Variants in SCFD2 observed in about 807,000 individuals in gnomAD.
The protein encoded by SCFD2 is sec1 family domain containing 2.
A neutral mutation model predicts 58.9 loss-of-function variants in SCFD2; 54 were observed. The observed-to-expected ratio is 0.92, with a 90% CI of 0.74 to 1.15. The LOEUF (loss-of-function observed/expected upper bound fraction) is 1.15, where lower values mean the gene tolerates loss of function less well. SCFD2 is among the 50% of genes most tolerant of loss of function. SCFD2 has a pLI of 0.00. For synonymous variants in SCFD2, 321 were observed against 335.9 expected (o/e 0.96, Z 0.49); for missense variants, 805 against 836.6 (o/e 0.96, Z 0.47).
In SCFD2 at chr4:52,930,664, A is replaced by C. The variant is rs1719971118; in HGVS notation, c.1562-9794T>G. 2.0e-5 allele frequency among the ~76,000 whole-genome samples: 3 copies of C among 152,304 alleles called. No homozygotes were observed. In the South Asian group the frequency reaches 6.2e-4, roughly 32 times the overall value. On this transcript the variant is annotated intron_variant, in intron 5 of 8. Transcript: ENST00000401642. Reference sequence around the variant, plus strand: ...CTGACTGCCGTAACTGTAAACTAACAGTTTATCTTAAGGTTTTATGTGTTA... The same window carrying C: ...CTGACTGCCGTAACTGTAAACTAACCGTTTATCTTAAGGTTTTATGTGTTA...
chr4:52,927,518 A>G (rs1172970046), intron 5 of SCFD2, among the ~76,000 whole-genome samples: 2 of 152,220 alleles, frequency 1.3e-5, no homozygotes, highest in Admixed American at 6.5e-5. Context: ...CTAATTCAAA[A>G]GCATTTTTAT....
intron 5 of SCFD2, among the ~76,000 whole-genome samples, chr4:52,964,981 A>G (rs1720929633): frequency 6.6e-6 from 1 of 150,904 alleles, no homozygotes; most frequent in South Asian, 2.1e-4. Flanking sequence ...GGCAAAATGT[A>G]TGGTGGTGAC....
intron 3 of SCFD2, among the ~76,000 whole-genome samples, chr4:53,298,300 C>T (rs372671089): frequency 6.6e-6 from 1 of 152,198 alleles, no homozygotes; most frequent in African/African-American, 2.4e-5. Context: ...GAGATTATAT[C>T]CGGCACCTGG....
intron 8 of SCFD2, among the ~76,000 whole-genome samples, chr4:52,885,362 G>A (rs368518998): frequency 6.6e-6 from 1 of 152,128 alleles, no homozygotes; most frequent in East Asian, 1.9e-4. Context: ...AGCCCCAGAA[G>A]CCCAGAGCTA....
In SCFD2 at chr4:53,171,768, A is replaced by G. The variant is rs1727184537; in HGVS notation, c.1312-26186T>C. ...GTATCAGTTTCTTCTAGGTTATCCC[A>G]TTTGTTGCTGTATAATTGTTCATGG... is the stretch of plus-strand genomic sequence containing the variant. On this transcript the variant is annotated intron_variant, in intron 4 of 8. Transcript: ENST00000401642. Among the ~76,000 whole-genome samples the G allele has an allele frequency of 2.0e-5, 3 of 151,790 alleles. No individual in the cohort carries two copies. In the East Asian group the frequency reaches 5.8e-4, roughly 29 times the overall value.
chr4:53,322,567 A>G (rs1238521469), intron 2 of SCFD2, among the ~76,000 whole-genome samples: 1 of 152,248 alleles, frequency 6.6e-6, no homozygotes, highest in Non-Finnish European at 1.5e-5. Flanking sequence ...GATTAACACT[A>G]TAATCAACAC....
At chr4:52,923,893 A>C (rs573466217) in intron 5 of SCFD2, among the ~76,000 whole-genome samples, 1 of 152,330 alleles carries the variant, frequency 6.6e-6, no homozygotes, top group East Asian at 1.9e-4. Context: ...TTCTCACTCA[A>C]CATGTGGCTT....
chr4:53,365,054 C>A lies in SCFD2; in HGVS notation c.838+50G>T. 1 of 1,560,932 alleles carries A rather than the reference C, an allele frequency of 6.4e-7. No homozygotes were observed. The highest frequency in any genetic ancestry group is 8.6e-7 in the Non-Finnish European group (1 of 1,156,276). ...AAATATATGCTGAATCAATGAAAGT[C>A]CCAGCAATGTGGGGAATGGTAATGA... On this transcript the variant is annotated intron_variant, in intron 1 of 8. Coordinates refer to ENST00000401642, the MANE Select transcript of SCFD2 (RefSeq NM_152540.4). The surrounding 1 kb of genome is among the most constrained non-coding windows in gnomAD (Gnocchi z 4.3).
chr4:52,932,302 C>T (rs1720016355), intron 5 of SCFD2, among the ~76,000 whole-genome samples: 1 of 152,144 alleles, frequency 6.6e-6, no homozygotes, highest in African/African-American at 2.4e-5. Context: ...AACTTGTCTG[C>T]TAATTACACA....
At chr4:53,075,748 A>G (rs1382349252) in intron 5 of SCFD2, among the ~76,000 whole-genome samples, 2 of 152,190 alleles carry the variant, frequency 1.3e-5, no homozygotes, top group Non-Finnish European at 2.9e-5. Flanking sequence ...ACATGGGGGT[A>G]GTTCATGGTG....
In SCFD2 at chr4:53,274,003, T is replaced by C; in HGVS notation, c.1136-2A>G. On this transcript the variant is annotated splice_acceptor_variant, in intron 3 of 8. Coordinates refer to ENST00000401642, the MANE Select transcript of SCFD2 (RefSeq NM_152540.4). LOFTEE classifies it high-confidence loss of function. ...TGAGCTGTCCCGGTGTGACTCTCCC[T>C]GGAAACATAAGAATTTATCAGTGTA... The C allele has an allele frequency of 1.2e-6, 2 of 1,606,044 alleles. No homozygotes were observed. The highest frequency in any genetic ancestry group is 1.7e-6 in the Non-Finnish European group (2 of 1,176,492).
intron 4 of SCFD2, among the ~76,000 whole-genome samples, chr4:53,237,764 C>G (rs1357689325): frequency 1.1e-5 from 1 of 90,244 alleles, no homozygotes; most frequent in African/African-American, 4.5e-5. Context: ...GCTGGCCGGG[C>G]GGGGGGCTGA....
intron 4 of SCFD2, among the ~76,000 whole-genome samples, chr4:53,173,566 A>T (rs1053959616): frequency 6.6e-6 from 1 of 152,106 alleles, no homozygotes; most frequent in Non-Finnish European, 1.5e-5. Flanking sequence ...GGAAAATCTA[A>T]TCAATTTACA....
chr4:53,196,708 T>A (rs1035067261), intron 4 of SCFD2, among the ~76,000 whole-genome samples: 1 of 152,014 alleles, frequency 6.6e-6, no homozygotes, highest in African/African-American at 2.4e-5. Context: ...AAAAGAAATG[T>A]CATTGAAATC....
Position 53,336,537 on chromosome 4 carries a change from T to C in SCFD2, c.1007+16061A>G, listed in dbSNP as rs370311453. Among the ~76,000 whole-genome samples, 24 of 152,254 alleles carry C rather than the reference T, an allele frequency of 1.6e-4. 1 individual carries two copies. In the South Asian group the frequency reaches 2.1e-3, roughly 13 times the overall value. On this transcript the variant is annotated intron_variant, in intron 2 of 8. Transcript: ENST00000401642. ...CTTCCTTTATTATTTATTTATTTAT[T>C]TATTTGAGTTGGAGTTTTGCTCTGT...
intron 4 of SCFD2, among the ~76,000 whole-genome samples, chr4:53,244,819 T>C (rs1398605885): frequency 2.7e-5 from 3 of 113,066 alleles, no homozygotes; most frequent in Admixed American, 8.8e-5. Flanking sequence ...GGGGTATTTC[T>C]GAAAAAAAAA....
chr4:53,060,248 A>G (rs1723466175), intron 5 of SCFD2, among the ~76,000 whole-genome samples: 3 of 152,104 alleles, frequency 2.0e-5, no homozygotes, highest in Admixed American at 6.6e-5. Context: ...TACTTTCTCT[A>G]TGAAAAAAGT....
chr4:53,087,478 C>T (rs1157903969), intron 5 of SCFD2, among the ~76,000 whole-genome samples: 1 of 152,048 alleles, frequency 6.6e-6, no homozygotes, highest in Non-Finnish European at 1.5e-5. Context: ...CGATTACAGG[C>T]ATCCGCCACC....
At chr4:53,254,492 T>C (rs949143937) in intron 4 of SCFD2, among the ~76,000 whole-genome samples, 4 of 151,950 alleles carry the variant, frequency 2.6e-5, no homozygotes, top group Non-Finnish European at 2.9e-5. Context: ...TTTTCTTTTT[T>C]TTTTTGTTTT....
Sources: gnomAD v4.1 joint callset for allele counts (sites outside exome capture counted in the v4.1 genomes callset) on GRCh38, gnomAD v4.1.1 for gene constraint, Gnocchi (gnomAD v3.1) non-coding constraint, MANE v1.5 for transcripts, NCBI Gene and HGNC (gene_info 2026-07-23, HGNC 2026-07-21) for gene names.